ST6GALNAC3: variants seen among roughly 807,000 people sequenced by gnomAD.
ST6GALNAC3 encodes ST6 N-acetylgalactosaminide alpha-2,6-sialyltransferase 3.
Under a neutral mutation model 32.7 loss-of-function variants are expected in ST6GALNAC3, and 25 were observed. That is an observed-to-expected ratio of 0.76 (90% CI 0.56 to 1.07). ST6GALNAC3 has a LOEUF of 1.07. Ranked by LOEUF, ST6GALNAC3 falls within the 50% of genes least tolerant of loss-of-function variation. ST6GALNAC3 has a pLI of 0.00. For synonymous variants in ST6GALNAC3, 129 were observed against 133.1 expected (o/e 0.97, Z 0.21); for missense variants, 355 against 382.4 (o/e 0.93, Z 0.60).
chr1:76,549,684 G>A lies in ST6GALNAC3; in HGVS notation c.624-77768G>A, dbSNP rs543960108. Among the ~76,000 whole-genome samples, 6 of 152,054 alleles carry A rather than the reference G, an allele frequency of 3.9e-5. No homozygotes were observed. The South Asian group carries it at 8.3e-4, about 21-fold the overall frequency. On this transcript the variant is annotated intron_variant, in intron 3 of 4. Transcript: ENST00000328299. ...TATTTTTTTTTGTCACACATGTGAG[G>A]GTTTCTTAGTCTAAGATATATACCT... is the stretch of plus-strand genomic sequence containing the variant.
chr1:76,552,789 T>C (rs958336525), intron 3 of ST6GALNAC3, among the ~76,000 whole-genome samples: 4 of 152,242 alleles, frequency 2.6e-5, no homozygotes, highest in African/African-American at 9.6e-5. Context: ...AGAGGAGTAT[T>C]GATAGCAGGC....
intron 1 of ST6GALNAC3, among the ~76,000 whole-genome samples, chr1:76,294,515 G>A (rs1167558064): frequency 6.6e-6 from 1 of 152,068 alleles, no homozygotes; most frequent in Non-Finnish European, 1.5e-5. Flanking sequence ...TACAGAAAGA[G>A]AGAGAATTAG....
chr1:76,263,308 T>G lies in ST6GALNAC3; in HGVS notation c.19-50497T>G, dbSNP rs563737144. ...ACGCATGCAAAGCACCTATAGTGCT[T>G]GGGACACTGCCAATACCTAATAAAT... On this transcript the variant is annotated intron_variant, in intron 1 of 4. Coordinates refer to ENST00000328299, the MANE Select transcript of ST6GALNAC3 (RefSeq NM_152996.4). Among the ~76,000 whole-genome samples, 5 of 152,294 alleles carry G rather than the reference T, an allele frequency of 3.3e-5. No homozygotes were observed. The South Asian group carries it at 1.0e-3, about 32-fold the overall frequency.
chr1:76,186,747 GCCTC>G (rs1653580895), intron 1 of ST6GALNAC3, among the ~76,000 whole-genome samples: 1 of 152,132 alleles, frequency 6.6e-6, no homozygotes, highest in Non-Finnish European at 1.5e-5. Flanking sequence ...GCTTTCTGCA[GCCTC>G]GTGAGGGGCC....
chr1:76,372,330 G>A (rs1650892709), intron 2 of ST6GALNAC3, among the ~76,000 whole-genome samples: 1 of 151,734 alleles, frequency 6.6e-6, no homozygotes, highest in Admixed American at 6.6e-5. Flanking sequence ...TATTTATGGG[G>A]TACAATGTAA....
chr1:76,463,602 A>G (rs1333514888), intron 3 of ST6GALNAC3, among the ~76,000 whole-genome samples: 1 of 152,186 alleles, frequency 6.6e-6, no homozygotes, highest in Non-Finnish European at 1.5e-5. Flanking sequence ...ACTCTGAGCT[A>G]GCCAATTGTT....
At position 76,494,468 on chromosome 1, in the gene ST6GALNAC3, T is replaced by TATATATATAC. The variant is rs1472545640; in HGVS notation, c.623+82052_623+82053insTATATATACA. Among the ~76,000 whole-genome samples, 33 of 59,526 alleles carry TATATATATAC rather than the reference T, an allele frequency of 5.5e-4. 4 individuals carry two copies. The highest frequency in any genetic ancestry group is 7.9e-4 in the Non-Finnish European group (27 of 34,078). The allele number at this position is 59,526 out of a possible 152,430, so 39.1% of individuals were successfully genotyped here. A position where few individuals can be genotyped will look rare whatever the true frequency, so the allele number is the denominator to read the frequency against. ...ATATATATATATATATATATATATA[T>TATATATATAC]ACACACACACACACACACTTTCCCT... On this transcript the variant is annotated intron_variant, in intron 3 of 4. Coordinates refer to ENST00000328299, the MANE Select transcript of ST6GALNAC3 (RefSeq NM_152996.4).
chr1:76,497,411 T>C (rs1660920870), intron 3 of ST6GALNAC3, among the ~76,000 whole-genome samples: 1 of 152,170 alleles, frequency 6.6e-6, no homozygotes, highest in Admixed American at 6.5e-5. Context: ...AGTTAGGTTA[T>C]TGAGCTCAAG....
chr1:76,526,322 G>A (rs1404957913), intron 3 of ST6GALNAC3, among the ~76,000 whole-genome samples: 2 of 152,010 alleles, frequency 1.3e-5, no homozygotes, highest in Non-Finnish European at 2.9e-5. Flanking sequence ...TTTAGAACCT[G>A]GCTTAAGAAA....
At chr1:76,395,843 G>C (rs977539412) in intron 2 of ST6GALNAC3, among the ~76,000 whole-genome samples, 6 of 152,182 alleles carry the variant, frequency 3.9e-5, no homozygotes, top group African/African-American at 1.4e-4. Context: ...GGGATGAAGA[G>C]AGGCTGGTTA....
intron 1 of ST6GALNAC3, among the ~76,000 whole-genome samples, chr1:76,266,546 A>G (rs565788334): frequency 6.6e-6 from 1 of 152,312 alleles, no homozygotes; most frequent in Admixed American, 6.5e-5. Flanking sequence ...TTTTCTACCT[A>G]TGAAAGTAAC....
chr1:76,325,126 T>C (rs899699959), intron 2 of ST6GALNAC3, among the ~76,000 whole-genome samples: 2 of 152,180 alleles, frequency 1.3e-5, no homozygotes, highest in African/African-American at 2.4e-5. Context: ...ATCTGGAAGG[T>C]TGGAATTGTC....
chr1:76,095,629 G>A (rs937521558), intron 1 of ST6GALNAC3, among the ~76,000 whole-genome samples: 8 of 152,204 alleles, frequency 5.3e-5, no homozygotes, highest in Non-Finnish European at 1.2e-4. Flanking sequence ...TCATGAAGAA[G>A]ATTGAGATGT....
At chr1:76,535,788 A>G (rs1197022394) in intron 3 of ST6GALNAC3, among the ~76,000 whole-genome samples, 1 of 151,566 alleles carries the variant, frequency 6.6e-6, no homozygotes, top group Non-Finnish European at 1.5e-5. Context: ...CATTTAAAGC[A>G]TGAGCTTGTT....
chr1:76,423,702 G>A (rs1655181009), intron 3 of ST6GALNAC3, among the ~76,000 whole-genome samples: 1 of 151,852 alleles, frequency 6.6e-6, no homozygotes, highest in Non-Finnish European at 1.5e-5. Context: ...CTCATGCAAA[G>A]GCACTATTAC....
chr1:76,188,532 C>T (rs1653710752), intron 1 of ST6GALNAC3, among the ~76,000 whole-genome samples: 1 of 152,042 alleles, frequency 6.6e-6, no homozygotes, highest in Admixed American at 6.5e-5. Context: ...AGCACTTGGG[C>T]CTGGTCAGTT....
intron 1 of ST6GALNAC3, among the ~76,000 whole-genome samples, chr1:76,193,396 A>C (rs907816038): frequency 5.3e-5 from 8 of 152,270 alleles, no homozygotes; most frequent in African/African-American, 1.9e-4. Context: ...AATTACCATA[A>C]GTACCAACTC....
chr1:76,185,140 T>C (rs138506069), intron 1 of ST6GALNAC3, among the ~76,000 whole-genome samples: 39 of 152,292 alleles, frequency 2.6e-4, no homozygotes, highest in Middle Eastern at 6.8e-3. Flanking sequence ...GGCTAGTTAG[T>C]GTTAGACCCG....
rs923482924 is a variant in ST6GALNAC3, at chr1:76,628,929, G to A, written c.*123G>A. 48 of 1,510,168 alleles carry A rather than the reference G, an allele frequency of 3.2e-5. No homozygotes were observed. Among genetic ancestry groups the A allele is most frequent in the Non-Finnish European group, 4.2e-5 (48 of 1,140,024 alleles). 93.5% of individuals were successfully genotyped at this position (1,510,168 alleles called of 1,614,324 possible). A position where few individuals can be genotyped will look rare whatever the true frequency, so the allele number is the denominator to read the frequency against. On this transcript the variant is annotated 3_prime_UTR_variant, in exon 5 of 5. Transcript: ENST00000328299. ...CAACAACAATGATTATCAAGTTCCT[G>A]TACACTCTCAGATGTGGATGGTGAC...
Sources: gnomAD v4.1 joint callset for allele counts (sites outside exome capture counted in the v4.1 genomes callset) on GRCh38, gnomAD v4.1.1 for gene constraint, MANE v1.5 for transcripts, NCBI Gene and HGNC (gene_info 2026-07-23, HGNC 2026-07-21) for gene names.